MGAM: variants seen among roughly 807,000 people sequenced by gnomAD.
MGAM encodes maltase-glucoamylase.
A neutral mutation model predicts 358.8 loss-of-function variants in MGAM; 253 were observed. That is an observed-to-expected ratio of 0.71 (90% CI 0.64 to 0.78). The LOEUF (loss-of-function observed/expected upper bound fraction) is 0.78. Ranked by LOEUF, MGAM falls within the 30% of genes least tolerant of loss-of-function variation. The pLI, the probability that MGAM is intolerant of heterozygous loss-of-function variation, is 0.00. For missense variants in MGAM, 3,080 were observed against 3,432.6 expected, an observed-to-expected ratio of 0.90 and a Z score of 2.57; for synonymous variants, 1,105 against 1,227.1, an observed-to-expected ratio of 0.90 and a Z score of 2.08.
rs529336762 is a variant in MGAM, at chr7:141,988,816, A to G, written c.-2-16713A>G. ...AGCTGCTAAATAATAGACATTTCACAAGACAAGGAAATGCTGTAATGTCCT... is the reference window on the plus strand; with the variant it reads ...AGCTGCTAAATAATAGACATTTCACGAGACAAGGAAATGCTGTAATGTCCT... On this transcript the variant is annotated intron_variant, in intron 2 of 5. Coordinates refer to the MGAM transcript ENST00000465654. Among the ~76,000 whole-genome samples the G allele has an allele frequency of 3.2e-4, 48 of 152,312 alleles. No individual in the cohort carries two copies. The South Asian group carries it at 9.5e-3, about 30-fold the overall frequency.
At chr7:142,071,621 G>GCT in intron 44 of MGAM, among the ~76,000 whole-genome samples, 1 of 146,242 alleles carries the variant, frequency 6.8e-6, no homozygotes. Flanking sequence ...GTCAGTTGAT[G>GCT]CCTCTATCTG....
At chr7:142,047,316 T>C (rs141636424) in intron 21 of MGAM, among the ~76,000 whole-genome samples, 20 of 152,338 alleles carry the variant, frequency 1.3e-4, no homozygotes, top group African/African-American at 4.1e-4. Flanking sequence ...AAGTTACTAC[T>C]AAATAGATGG....
upstream of MGAM, among the ~76,000 whole-genome samples, chr7:141,995,479 A>G (rs1554448416): frequency 6.6e-6 from 1 of 152,204 alleles, no homozygotes; most frequent in East Asian, 1.9e-4. Flanking sequence ...CAATCATCAG[A>G]TTGTGCTACT....
Position 142,037,082 on chromosome 7 carries a change from A to G in MGAM, c.2231+105A>G. 2.6e-6 allele frequency: 3 copies of G among 1,163,886 alleles called. No individual in the cohort carries two copies. The South Asian group carries it at 4.3e-5, about 17-fold the overall frequency. The allele number at this position is 1,163,886 out of a possible 1,614,324, so 72.1% of individuals were successfully genotyped here. A position where few individuals can be genotyped will look rare whatever the true frequency, so the allele number is the denominator to read the frequency against. On this transcript the variant is annotated intron_variant, in intron 18 of 70. Transcript: ENST00000475668. ...ACTGAAACAATTCAGGCAGTTATTC[A>G]TATCTATCTGTATCTATATCTGTAA...
chr7:142,047,315 C>A (rs1810487763), intron 21 of MGAM, among the ~76,000 whole-genome samples: 2 of 152,120 alleles, frequency 1.3e-5, no homozygotes, highest in Non-Finnish European at 2.9e-5. Context: ...TAAGTTACTA[C>A]TAAATAGATG....
chr7:142,015,288 A>T (rs1341594999), intron 3 of MGAM, among the ~76,000 whole-genome samples: 1 of 152,062 alleles, frequency 6.6e-6, no homozygotes, highest in East Asian at 1.9e-4. Flanking sequence ...TCTTATTCTT[A>T]TCATATATGT....
At chr7:142,016,101 A>G (rs940391653) in intron 3 of MGAM, among the ~76,000 whole-genome samples, 1 of 151,962 alleles carries the variant, frequency 6.6e-6, no homozygotes, top group East Asian at 1.9e-4. Flanking sequence ...GTTATCCTTT[A>G]TGTTTCATGT....
intron 26 of MGAM, 147 bp downstream of exon 26, chr7:142,053,131 G>A (rs1287117324): frequency 5.3e-6 from 5 of 936,196 alleles, no homozygotes; most frequent in South Asian, 1.7e-5. Context: ...AATCATTGAG[G>A]GAACAATGAG....
rs1554458459 is a variant in MGAM at position 142,020,961 on chromosome 7, T to C, written c.449-13T>C. On this transcript the variant is annotated splice_polypyrimidine_tract_variant and intron_variant, in intron 4 of 70. Transcript: ENST00000475668. ...GAGTCAACTATGAAAACCTTTTTTT[T>C]CTCCTATGTTAGGATTCACAGCCCG... is the stretch of plus-strand genomic sequence containing the variant. 1.3e-5 allele frequency: 21 copies of C among 1,579,592 alleles called. No homozygotes were observed. The highest frequency in any genetic ancestry group is 1.7e-5 in the Non-Finnish European group (20 of 1,151,968).
At chr7:141,994,015 A>G (rs1490991313), upstream of MGAM, among the ~76,000 whole-genome samples, 2 of 152,174 alleles carry the variant, frequency 1.3e-5, no homozygotes, top group African/African-American at 4.8e-5. Context: ...AGCTGGGATT[A>G]CAGGCACGCA....
chr7:142,050,147 A>G (rs892841547), intron 22 of MGAM, 88 bp from the exon 23 acceptor site: 4 of 1,300,052 alleles, frequency 3.1e-6, no homozygotes, highest in Non-Finnish European at 4.5e-6. Context: ...GTGTGACCTC[A>G]AGGCATAGCT....
chr7:142,031,290 A>T (rs1468777973), intron 12 of MGAM, among the ~76,000 whole-genome samples: 1 of 152,122 alleles, frequency 6.6e-6, no homozygotes, highest in Non-Finnish European at 1.5e-5. Flanking sequence ...GGGAAATTGG[A>T]TAGGAAAGAA....
At chr7:141,991,836 G>A (rs914843705), upstream of MGAM, among the ~76,000 whole-genome samples, 2 of 152,108 alleles carry the variant, frequency 1.3e-5, no homozygotes, top group Non-Finnish European at 2.9e-5. Context: ...GCCTAGATAA[G>A]GCCATGTCAC....
Position 142,084,428 on chromosome 7 carries a change from T to G in MGAM, c.6382-91T>G, listed in dbSNP as rs1414890799. On this transcript the variant is annotated intron_variant, in intron 53 of 70. Transcript: ENST00000475668. Reference sequence around the variant, plus strand: ...AATTCAATTAGTTAGTTGTCTAGCTTGGGGCACAGAAAAATATTCTTATTA... The same window carrying G: ...AATTCAATTAGTTAGTTGTCTAGCTGGGGGCACAGAAAAATATTCTTATTA... The G allele has an allele frequency of 6.7e-5, 92 of 1,379,024 alleles. 16 individuals are homozygous for G. Among genetic ancestry groups the G allele is most frequent in the South Asian group, 5.8e-4 (46 of 79,456 alleles). 85.4% of individuals were successfully genotyped at this position (1,379,024 alleles called of 1,614,324 possible).
intron 21 of MGAM, among the ~76,000 whole-genome samples, chr7:142,041,876 A>AT (rs555771960): frequency 1.5e-4 from 13 of 88,710 alleles, no homozygotes; most frequent in East Asian, 5.3e-4. Flanking sequence ...TATATATTAT[A>AT]TATATACGTA....
chr7:142,032,398 C>T (rs1554464104), intron 13 of MGAM, among the ~76,000 whole-genome samples: 2 of 152,058 alleles, frequency 1.3e-5, no homozygotes, highest in South Asian at 2.1e-4. Context: ...CAACTAAAGA[C>T]ATTTATTATC....
chr7:142,040,983 G>T (rs937233824), intron 21 of MGAM, 137 bp downstream of exon 21: 2 of 1,060,532 alleles, frequency 1.9e-6, no homozygotes, highest in African/African-American at 1.7e-5. Context: ...AGCACCAAAA[G>T]TCTCTTCCCT....
intron 67 of MGAM, 97 bp from the exon 68 acceptor site, chr7:142,100,705 A>G: frequency 9.7e-7 from 1 of 1,035,490 alleles, no homozygotes; most frequent in Non-Finnish European, 1.5e-6. Flanking sequence ...TTATCCCCCA[A>G]AGCACTTCCC....
rs994686231 is a variant in MGAM, at chr7:142,055,641, G to A, written c.3398G>A (p.Gly1133Asp). The A allele has an allele frequency of 1.9e-6, 3 of 1,613,848 alleles. No homozygotes were observed. Among genetic ancestry groups the A allele is most frequent in the Non-Finnish European group, 2.5e-6 (3 of 1,179,866 alleles). ...CGCCTTCCCTCCAAGTACCTCTATG[G>A]CTTTGGGGAAACTGAGCACAGGTCC... is the stretch of plus-strand genomic sequence containing the variant. ...STRLPSKYLY[G>D]FGETEHRSYR... is the part of the protein sequence containing the mutation. The change falls in exon 28 of 71, where the codon GGC (glycine) becomes GAC (aspartate). Residue 1133 changes from glycine to aspartate, a missense_variant. By Grantham distance (94) the Gly-to-Asp change is moderately conservative. This residue lies in a region of MGAM where 1,816 missense variants were observed against 1,840.5 expected (regional missense o/e 0.99). Transcript: ENST00000475668.
Sources: gnomAD v4.1 joint callset for allele counts (sites outside exome capture counted in the v4.1 genomes callset) on GRCh38, gnomAD v4.1.1 for gene constraint, gnomAD v4.1.1 regional missense constraint, MANE v1.5 for transcripts, NCBI Gene and HGNC (gene_info 2026-07-23, HGNC 2026-07-21) for gene names.